The following TPTE variants were observed in gnomAD, a reference collection of about 807,000 sequenced individuals.
TPTE encodes the protein transmembrane phosphatase with tensin homology.
In TPTE, 59 loss-of-function variants were observed where a neutral mutation model predicts 84.1. The ratio of observed to expected loss-of-function variants is 0.70; its 90% CI spans 0.57 to 0.87. The LOEUF (loss-of-function observed/expected upper bound fraction) is 0.87. Ranked by LOEUF, TPTE falls within the 40% of genes least tolerant of loss-of-function variation. The pLI is 0.00. For missense variants in TPTE, 382 were observed against 659.6 expected (o/e 0.58, Z 4.61); for synonymous variants, 130 against 223.5 (o/e 0.58, Z 3.73).
chr21:10,554,483 A>G (rs2074640033), intron 8 of TPTE, among the ~76,000 whole-genome samples: 1 of 152,310 alleles, frequency 6.6e-6, no homozygotes, highest in Non-Finnish European at 1.5e-5. Context: ...CTCTGATATT[A>G]GTAAATATAT....
intron 11 of TPTE, among the ~76,000 whole-genome samples, chr21:10,568,076 A>C (rs1255772516): frequency 1.8e-4 from 27 of 152,336 alleles, no homozygotes; most frequent in African/African-American, 6.5e-4. Context: ...ACTTCTCTAC[A>C]TTTTGAAGTT....
chr21:10,549,409 C>T (rs1450953057), intron 7 of TPTE, among the ~76,000 whole-genome samples: 4 of 152,292 alleles, frequency 2.6e-5, no homozygotes, highest in African/African-American at 7.2e-5. Context: ...AAAGAATAAT[C>T]TTAAGGAAAC....
At chr21:10,529,077 G>A (rs1394296762) in intron 3 of TPTE, among the ~76,000 whole-genome samples, 26 of 152,300 alleles carry the variant, frequency 1.7e-4, no homozygotes, top group African/African-American at 5.8e-4. Context: ...CCAGCTACTC[G>A]GGAGGCTGAG....
chr21:10,570,402 T>C (rs2075018067), intron 13 of TPTE, 83 bp from the exon 14 acceptor site: 3 of 1,601,874 alleles, frequency 1.9e-6, no homozygotes, highest in Non-Finnish European at 2.6e-6. Flanking sequence ...GAAAATGGAA[T>C]CTGATCATGT....
In TPTE at chr21:10,541,150, T is replaced by C; in HGVS notation, c.50T>C (p.Leu17Pro). ...GACCTGGCGGGAGTCATCATTGAGC[T>C]CGGCCCCAATGACAGGTGAGTTATA... Reference protein sequence around the residue: ...PTDLAGVIIELGPNDSPQTSE... With the variant: ...PTDLAGVIIEPGPNDSPQTSE... The change falls in exon 5 of 24, where the codon CTC (leucine) becomes CCC (proline). Residue 17 changes from leucine (L) to proline (P), a missense_variant. This residue lies in a region of TPTE where 63 missense variants were observed against 49.5 expected (regional missense o/e 1.27). Transcript: ENST00000618007. 1 of 1,613,272 alleles carries C rather than the reference T, an allele frequency of 6.2e-7. No individual in the cohort carries two copies. The highest frequency in any genetic ancestry group is 8.5e-7 in the Non-Finnish European group (1 of 1,179,278).
At chr21:10,523,705 C>T (rs11184147) in intron 1 of TPTE, among the ~76,000 whole-genome samples, 2,126 of 151,336 alleles carry the variant, frequency 0.014, no homozygotes, top group Non-Finnish European at 0.02. Flanking sequence ...CATTGTTGGA[C>T]ATTTGGGTTG....
At chr21:10,545,890 A>G (rs983156904) in intron 7 of TPTE, among the ~76,000 whole-genome samples, 15 of 151,966 alleles carry the variant, frequency 9.9e-5, no homozygotes, top group South Asian at 2.1e-4. Context: ...AGTCATGTAT[A>G]TATCCTTTAA....
chr21:10,582,739 G>GT (rs567828377), intron 17 of TPTE, among the ~76,000 whole-genome samples: 36 of 152,284 alleles, frequency 2.4e-4, no homozygotes, highest in South Asian at 1.4e-3. Context: ...TATGTTTTTT[G>GT]TTTTTTTGTT....
chr21:10,588,712 T>C (rs1191772275), intron 17 of TPTE, among the ~76,000 whole-genome samples: 3 of 143,426 alleles, frequency 2.1e-5, no homozygotes, highest in Admixed American at 6.7e-5. Context: ...TAAAAAATAT[T>C]TTTTTCTTTA....
At chr21:10,575,513 A>T (rs1217329914) in intron 14 of TPTE, among the ~76,000 whole-genome samples, 1 of 152,312 alleles carries the variant, frequency 6.6e-6, no homozygotes, top group Non-Finnish European at 1.5e-5. Context: ...ACCCCAAAGC[A>T]GCCAGACTGC....
In TPTE at chr21:10,597,419, T is replaced by C. The variant is rs200005796; in HGVS notation, c.1277-596T>C. On this transcript the variant is annotated intron_variant, in intron 20 of 23. Coordinates refer to ENST00000618007, the MANE Select transcript of TPTE (RefSeq NM_199261.4). ...TCCTGAATTTTCTTTTTTCTTTTTT[T>C]TTTTTTTTTTTTGGAGACAGAGTCT... 3.4e-4 allele frequency among the ~76,000 whole-genome samples: 51 copies of C among 147,838 alleles called. No homozygotes were observed. In the East Asian group the frequency reaches 4.9e-3, roughly 14 times the overall value.
chr21:10,603,243 T>TAGACATAGGTC (rs1286186840), intron 22 of TPTE, among the ~76,000 whole-genome samples: 90 of 152,294 alleles, frequency 5.9e-4, no homozygotes, highest in Non-Finnish European at 1.1e-3. Context: ...TGGGTATATA[T>TAGACATAGGTC]AGACATAGGT....
intron 23 of TPTE, among the ~76,000 whole-genome samples, chr21:10,604,146 TTAAA>T (rs1325669792): frequency 6.6e-6 from 1 of 152,302 alleles, no homozygotes; most frequent in Non-Finnish European, 1.5e-5. Context: ...AATAGTCTAT[TTAAA>T]TAGCCATTCA....
chr21:10,549,154 T>TA, intron 7 of TPTE, among the ~76,000 whole-genome samples: 2 of 152,430 alleles, frequency 1.3e-5, no homozygotes, highest in African/African-American at 4.8e-5. Context: ...AGACTACACT[T>TA]ACTGCATCCA....
rs1458786565 is a variant in TPTE, at chr21:10,542,359, T to G, written c.66-36T>G. ...TCCAAAATATAAATTCAGAATTATG[T>G]CTCCTCTCTGACTGTTTTCTCTTAT... On this transcript the variant is annotated intron_variant, in intron 5 of 23. Transcript: ENST00000618007. 1.9e-6 allele frequency: 3 copies of G among 1,606,714 alleles called. No homozygotes were observed. In the South Asian group the frequency reaches 3.3e-5, roughly 18 times the overall value.
intron 3 of TPTE, among the ~76,000 whole-genome samples, chr21:10,530,273 T>G (rs1399601184): frequency 6.6e-6 from 1 of 152,312 alleles, no homozygotes; most frequent in African/African-American, 2.4e-5. Flanking sequence ...CATTGCTACT[T>G]GTAGGCCTTT....
intron 18 of TPTE, 67 bp downstream of exon 18, chr21:10,590,590 G>T (rs201230109): frequency 0.022 from 32,898 of 1,529,446 alleles, no homozygotes; most frequent in East Asian, 0.13. Context: ...AACATCACTG[G>T]CAGGACATTA....
At chr21:10,553,745 C>G (rs1173961850) in intron 8 of TPTE, among the ~76,000 whole-genome samples, 1 of 152,306 alleles carries the variant, frequency 6.6e-6, no homozygotes. Flanking sequence ...GGAATCAGTG[C>G]TTGCCTTTGG....
chr21:10,561,937 G>C (rs574822842), intron 10 of TPTE, among the ~76,000 whole-genome samples: 1 of 152,310 alleles, frequency 6.6e-6, no homozygotes, highest in Non-Finnish European at 1.5e-5. Context: ...GCAAGACCCC[G>C]TGCTGTGCTG....
Sources: allele counts gnomAD v4.1 joint callset (sites outside exome capture counted in the v4.1 genomes callset), GRCh38; gene constraint gnomAD v4.1.1; regional missense constraint gnomAD v4.1.1; transcripts MANE v1.5; gene names NCBI Gene and HGNC (gene_info 2026-07-23, HGNC 2026-07-21).